The following SRRM4 variants were observed in gnomAD, a reference collection of about 807,000 sequenced individuals.
SRRM4 encodes serine/arginine repetitive matrix 4.
SRRM4 carries 33 observed loss-of-function variants against 68.9 expected under a neutral mutation model. The observed-to-expected ratio is 0.48, with a 90% CI of 0.36 to 0.64. The LOEUF (loss-of-function observed/expected upper bound fraction) is 0.64. Ranked by LOEUF, SRRM4 falls within the 30% of genes least tolerant of loss-of-function variation. The pLI, the probability that SRRM4 is intolerant of heterozygous loss-of-function variation, is 0.00. For missense variants in SRRM4, 817 were observed against 827.1 expected, an observed-to-expected ratio of 0.99 and a Z score of 0.15; for synonymous variants, 318 against 318.8, an observed-to-expected ratio of 1.00 and a Z score of 0.03.
intron 2 of SRRM4, 69 bp from the exon 3 acceptor site, chr12:119,114,209 T>C: frequency 7.1e-7 from 1 of 1,402,698 alleles, no homozygotes; most frequent in Admixed American, 1.8e-5. Context: ...CTTCCCTGGC[T>C]GCACCAGCTC....
chr12:119,033,429 A>G (rs949715547), intron 1 of SRRM4, among the ~76,000 whole-genome samples: 11 of 152,056 alleles, frequency 7.2e-5, no homozygotes, highest in African/African-American at 2.4e-4. Context: ...ACTTAGGGAG[A>G]CGGAGGTGGG....
intron 1 of SRRM4, among the ~76,000 whole-genome samples, chr12:119,029,438 T>C (rs1400253415): frequency 6.6e-6 from 1 of 152,154 alleles, no homozygotes; most frequent in African/African-American, 2.4e-5. Context: ...AAGCTAATAA[T>C]GTGCTAGAAA....
intron 8 of SRRM4, among the ~76,000 whole-genome samples, chr12:119,143,242 G>A (rs762527380): frequency 6.6e-6 from 1 of 152,162 alleles, no homozygotes; most frequent in Non-Finnish European, 1.5e-5. Flanking sequence ...ATGACCAATT[G>A]CTGAGAAGGC....
chr12:119,110,691 T>C (rs1954136949), intron 2 of SRRM4, among the ~76,000 whole-genome samples: 2 of 152,310 alleles, frequency 1.3e-5, no homozygotes, highest in African/African-American at 4.8e-5. Flanking sequence ...AATATTAGGG[T>C]GGGAGTGTCC....
At chr12:118,988,726 A>G (rs1457837592) in intron 1 of SRRM4, among the ~76,000 whole-genome samples, 2 of 152,236 alleles carry the variant, frequency 1.3e-5, no homozygotes, top group Non-Finnish European at 2.9e-5. Context: ...GAATGAACAC[A>G]GGAACTCCCT....
chr12:119,042,806 T>C (rs1344221272), intron 1 of SRRM4, among the ~76,000 whole-genome samples: 1 of 151,680 alleles, frequency 6.6e-6, no homozygotes, highest in Non-Finnish European at 1.5e-5. Flanking sequence ...GATGGGGGCA[T>C]GTGATAGAGT....
At chr12:119,129,996 GA>G (rs1954284968) in intron 7 of SRRM4, among the ~76,000 whole-genome samples, 5 of 151,152 alleles carry the variant, frequency 3.3e-5, no homozygotes, top group Non-Finnish European at 1.5e-5. Context: ...TGGATGGATG[GA>G]TGGATGGATG....
chr12:119,110,424 G>A (rs575718387), intron 2 of SRRM4, among the ~76,000 whole-genome samples: 33 of 152,338 alleles, frequency 2.2e-4, no homozygotes, highest in African/African-American at 7.7e-4. Flanking sequence ...GCCCCCAGAG[G>A]TGGAGTCTAC....
intron 1 of SRRM4, among the ~76,000 whole-genome samples, chr12:119,000,057 C>T (rs1953374549): frequency 6.6e-6 from 1 of 152,132 alleles, no homozygotes. Context: ...GTATTTTGTA[C>T]AGAACGCACT....
chr12:119,027,001 T>C (rs1177808643), intron 1 of SRRM4, among the ~76,000 whole-genome samples: 1 of 152,164 alleles, frequency 6.6e-6, no homozygotes, highest in Non-Finnish European at 1.5e-5. Flanking sequence ...TGGGGAAAAA[T>C]TTCTCCTTCT....
intron 7 of SRRM4, among the ~76,000 whole-genome samples, chr12:119,127,186 G>A (rs1156905784): frequency 1.3e-5 from 2 of 151,846 alleles, no homozygotes; most frequent in Admixed American, 6.6e-5. Context: ...TTGTATACAT[G>A]TACCCTAAAA....
chr12:119,108,623 G>T (rs1047141992), intron 2 of SRRM4, among the ~76,000 whole-genome samples: 1 of 150,772 alleles, frequency 6.6e-6, no homozygotes, highest in Non-Finnish European at 1.5e-5. Context: ...TTTTATCAGA[G>T]ACTAGGATTG....
chr12:119,021,986 A>G (rs1953519129), intron 1 of SRRM4, among the ~76,000 whole-genome samples: 1 of 151,972 alleles, frequency 6.6e-6, no homozygotes, highest in Non-Finnish European at 1.5e-5. Flanking sequence ...CTTGTTCTAG[A>G]TCCTTGACAC....
chr12:119,149,621 G>A (rs1421750389), intron 9 of SRRM4, among the ~76,000 whole-genome samples: 2 of 152,208 alleles, frequency 1.3e-5, no homozygotes, highest in Non-Finnish European at 2.9e-5. Context: ...GTGAGGTCAA[G>A]CTAAAGCCAG....
rs190590753 is a variant in SRRM4, at chr12:119,025,087, G to C, written c.131+43074G>C. ...AAGAGTGTTCTGGGCATTCAGTGCA[G>C]AGACACGTAACCCTGGTGGGTGTGC... On this transcript the variant is annotated intron_variant, in intron 1 of 12. Transcript: ENST00000267260. Among the ~76,000 whole-genome samples the C allele has an allele frequency of 8.5e-5, 13 of 152,282 alleles. No individual in the cohort carries two copies. The East Asian group carries it at 2.5e-3, about 29-fold the overall frequency.
In SRRM4 at chr12:119,006,084, T is replaced by A. The variant is rs114222184; in HGVS notation, c.131+24071T>A. Among the ~76,000 whole-genome samples, 345 of 152,272 alleles carry A rather than the reference T, an allele frequency of 2.3e-3. 1 individual carries two copies. Among genetic ancestry groups the A allele is most frequent in the African/African-American group, 7.7e-3 (322 of 41,560 alleles). On this transcript the variant is annotated intron_variant, in intron 1 of 12. Coordinates refer to ENST00000267260, the MANE Select transcript of SRRM4 (RefSeq NM_194286.4). ...ACCAGAGGAATTTGAGATATTATGA[T>A]TGTGACGCCCATTGCATCCCCCTTG...
intron 1 of SRRM4, among the ~76,000 whole-genome samples, chr12:119,060,290 T>G (rs1303499307): frequency 6.6e-6 from 1 of 150,950 alleles, no homozygotes; most frequent in Non-Finnish European, 1.5e-5. Context: ...ATGAACAAAA[T>G]AGGAGAAAAT....
At chr12:119,055,368 T>A (rs969453393) in intron 1 of SRRM4, among the ~76,000 whole-genome samples, 2 of 152,176 alleles carry the variant, frequency 1.3e-5, no homozygotes, top group African/African-American at 4.8e-5. Flanking sequence ...GCAATGATGT[T>A]ATTTATAAAT....
At chr12:118,985,282 G>A (rs1953274597) in intron 1 of SRRM4, among the ~76,000 whole-genome samples, 1 of 152,134 alleles carries the variant, frequency 6.6e-6, no homozygotes, top group South Asian at 2.1e-4. Flanking sequence ...TTCAGTTAGG[G>A]GGTTGGGGAT....
Sources: gnomAD v4.1 joint callset for allele counts (sites outside exome capture counted in the v4.1 genomes callset) on GRCh38, gnomAD v4.1.1 for gene constraint, MANE v1.5 for transcripts, NCBI Gene and HGNC (gene_info 2026-07-23, HGNC 2026-07-21) for gene names.